PLXNA4: variants seen among roughly 807,000 people sequenced by gnomAD.
The protein encoded by PLXNA4 is plexin-A4.
A neutral mutation model predicts 191.8 loss-of-function variants in PLXNA4; 44 were observed. The observed-to-expected ratio is 0.23, with a 90% confidence interval of 0.18 to 0.29. The LOEUF (loss-of-function observed/expected upper bound fraction) is 0.29, where lower values mean the gene tolerates loss of function less well. PLXNA4 is among the 10% of genes least tolerant of loss of function. The pLI is 1.00. For missense variants in PLXNA4, 1,800 were observed against 2,488.8 expected (o/e 0.72, Z 5.89); for synonymous variants, 1,082 against 1,009.5 (o/e 1.07, Z -1.36).
chr7:132,255,768 C>T lies in PLXNA4; in HGVS notation c.1504-14602G>A, dbSNP rs192343636. 3.9e-5 allele frequency among the ~76,000 whole-genome samples: 6 copies of T among 152,330 alleles called. No homozygotes were observed. The East Asian group carries it at 1.2e-3, about 29-fold the overall frequency. On this transcript the variant is annotated intron_variant, in intron 4 of 31. Transcript: ENST00000321063. ...CAGCACAGCCCCAGAACTTTCCAACCAGTTCCCTGTCTCTTTCTCTCCTCT... is the reference window on the plus strand; with the variant it reads ...CAGCACAGCCCCAGAACTTTCCAACTAGTTCCCTGTCTCTTTCTCTCCTCT...
chr7:132,268,748 C>T (rs1288809525), intron 4 of PLXNA4, among the ~76,000 whole-genome samples: 2 of 152,172 alleles, frequency 1.3e-5, no homozygotes, highest in East Asian at 3.9e-4. Flanking sequence ...ATCTCAGCCC[C>T]CTTTTCTTGG....
chr7:132,546,783 C>T (rs964220468), intron 1 of PLXNA4, among the ~76,000 whole-genome samples: 1 of 152,194 alleles, frequency 6.6e-6, no homozygotes, highest in African/African-American at 2.4e-5. Flanking sequence ...GCTCCTAACA[C>T]CCTTGTCGAT....
intron 30 of PLXNA4, among the ~76,000 whole-genome samples, chr7:132,138,144 T>C (rs1795166866): frequency 6.6e-6 from 1 of 152,192 alleles, no homozygotes; most frequent in Non-Finnish European, 1.5e-5. Flanking sequence ...TCACCTGCTC[T>C]GAAGAGAGGA....
At chr7:132,169,846 G>A (rs529217146) in intron 21 of PLXNA4, among the ~76,000 whole-genome samples, 10 of 152,110 alleles carry the variant, frequency 6.6e-5, no homozygotes, top group Non-Finnish European at 1.0e-4. Context: ...GCATGCTTCT[G>A]TTAAACCAAA....
At chr7:132,390,212 A>G (rs1805343179) in intron 3 of PLXNA4, among the ~76,000 whole-genome samples, 1 of 152,210 alleles carries the variant, frequency 6.6e-6, no homozygotes, top group Admixed American at 6.5e-5. Context: ...TGTGGCCCAT[A>G]CATACCATGG....
At chr7:132,397,237 T>C (rs1313017934) in intron 3 of PLXNA4, among the ~76,000 whole-genome samples, 1 of 152,254 alleles carries the variant, frequency 6.6e-6, no homozygotes, top group East Asian at 1.9e-4. Flanking sequence ...GTAATTTGGA[T>C]TCTGATGCAA....
intron 2 of PLXNA4, among the ~76,000 whole-genome samples, chr7:132,490,640 T>C (rs2117538615): frequency 6.6e-6 from 1 of 152,174 alleles, no homozygotes; most frequent in South Asian, 2.1e-4. Flanking sequence ...TTACCCAGGC[T>C]GGTGTCAAAC....
At chr7:132,437,569 G>GAAAAAAAA (rs58252362) in intron 3 of PLXNA4, among the ~76,000 whole-genome samples, 3 of 138,366 alleles carry the variant, frequency 2.2e-5, no homozygotes, top group Non-Finnish European at 3.0e-5. Flanking sequence ...GGAAAAAAAA[G>GAAAAAAAA]AAAAAAAAAA....
chr7:132,293,175 G>C (rs548176067), intron 4 of PLXNA4, among the ~76,000 whole-genome samples: 2 of 152,266 alleles, frequency 1.3e-5, no homozygotes, highest in East Asian at 3.9e-4. Flanking sequence ...CACCCATTCT[G>C]TTAACTTGGA....
At chr7:132,306,613 T>C (rs1294539381) in intron 3 of PLXNA4, among the ~76,000 whole-genome samples, 1 of 152,152 alleles carries the variant, frequency 6.6e-6, no homozygotes, top group African/African-American at 2.4e-5. Flanking sequence ...AAGGAAGAAT[T>C]AGCACACCAA....
chr7:132,377,697 C>T (rs1184937434), intron 3 of PLXNA4, among the ~76,000 whole-genome samples: 1 of 152,156 alleles, frequency 6.6e-6, no homozygotes, highest in Non-Finnish European at 1.5e-5. Flanking sequence ...TGGCCACCAG[C>T]ACCAACTCAG....
intron 22 of PLXNA4, among the ~76,000 whole-genome samples, chr7:132,166,583 G>A (rs1796130214): frequency 6.6e-6 from 1 of 151,774 alleles, no homozygotes; most frequent in Non-Finnish European, 1.5e-5. Flanking sequence ...GGAGGCTGCC[G>A]GCACAAAATG....
intron 3 of PLXNA4, among the ~76,000 whole-genome samples, chr7:132,359,469 G>A (rs756323123): frequency 5.3e-5 from 8 of 151,942 alleles, no homozygotes; most frequent in East Asian, 1.9e-4. Context: ...TGCCTGCCAC[G>A]GTCTCCCAAA....
chr7:132,124,470 T>TCTA lies in PLXNA4; in HGVS notation c.*6006_*6008dup, dbSNP rs1794716313. 1 of 152,240 alleles carries TCTA rather than the reference T, an allele frequency of 6.6e-6. No homozygotes were observed. The highest frequency in any genetic ancestry group is 2.4e-5 in the African/African-American group (1 of 41,462). 9.4% of individuals were successfully genotyped at this position (152,240 alleles called of 1,614,324 possible). A position where few individuals can be genotyped will look rare whatever the true frequency, so the allele number is the denominator to read the frequency against. ...TTTAACTGTATCCTCTGTTTTAAAT[T>TCTA]CTACTTTTGTAAGGGAGCCCTTCCA... On this transcript the variant is annotated 3_prime_UTR_variant, in exon 32 of 32. Transcript: ENST00000321063.
At chr7:132,337,575 T>C (rs1381805749) in intron 3 of PLXNA4, among the ~76,000 whole-genome samples, 1 of 152,226 alleles carries the variant, frequency 6.6e-6, no homozygotes. Context: ...TTGCAGCACA[T>C]TAAGCCCATT....
Position 132,552,815 on chromosome 7 carries a change from G to A in PLXNA4, c.-87+23607C>T, listed in dbSNP as rs1800619242. Among the ~76,000 whole-genome samples, 3 of 152,146 alleles carry A rather than the reference G, an allele frequency of 2.0e-5. No individual in the cohort carries two copies. In the South Asian group the frequency reaches 6.2e-4, roughly 32 times the overall value. On this transcript the variant is annotated intron_variant, in intron 1 of 31. Transcript: ENST00000321063. ...TCTGTATAAAATCAATTAGGTGCCT[G>A]AGACCCTCACCCCAAAGCCAGCTCA...
At chr7:132,644,005 A>C (rs1254045931) in intron 2 of PLXNA4, among the ~76,000 whole-genome samples, 1 of 152,172 alleles carries the variant, frequency 6.6e-6, no homozygotes, top group Non-Finnish European at 1.5e-5. Context: ...ACTAGTAAAA[A>C]TAAGTATTAT....
At chr7:132,388,537 G>GA (rs900459508) in intron 3 of PLXNA4, among the ~76,000 whole-genome samples, 16 of 150,382 alleles carry the variant, frequency 1.1e-4, no homozygotes, top group African/African-American at 2.7e-4. Flanking sequence ...TTTTGGTTCA[G>GA]AAAAAAAAAG....
chr7:132,344,978 A>G (rs1803186650), intron 3 of PLXNA4, among the ~76,000 whole-genome samples: 1 of 152,214 alleles, frequency 6.6e-6, no homozygotes, highest in South Asian at 2.1e-4. Context: ...TTTTCTCACC[A>G]GAAAGTGGTA....
Sources: allele counts gnomAD v4.1 joint callset (sites outside exome capture counted in the v4.1 genomes callset), GRCh38; gene constraint gnomAD v4.1.1; transcripts MANE v1.5; gene names NCBI Gene and HGNC (gene_info 2026-07-23, HGNC 2026-07-21).